PRDM2: variants seen among roughly 807,000 people sequenced by gnomAD.
PRDM2 encodes the protein PR/SET domain 2.
Under a neutral mutation model 130.0 loss-of-function variants are expected in PRDM2, and 30 were observed. The observed-to-expected ratio is 0.23, with a 90% CI of 0.17 to 0.31. PRDM2 has a LOEUF of 0.31. Among genes scored for constraint, PRDM2 ranks in the 10% least tolerant of loss-of-function variants. PRDM2 has a pLI of 1.00. For missense variants in PRDM2, 2,011 were observed against 2,108.4 expected, an observed-to-expected ratio of 0.95 and a Z score of 0.90; for synonymous variants, 871 against 782.4, an observed-to-expected ratio of 1.11 and a Z score of -1.89.
chr1:13,823,010 C>A (rs2697970), intron 9 of PRDM2, 149 bp from the exon 10 acceptor site: 577,205 of 774,470 alleles, frequency 0.75, 216,288 homozygotes, highest in Middle Eastern at 0.78. Flanking sequence ...TCACTGTGAA[C>A]ATTCATCAAG....
chr1:13,705,041 T>G (rs1288591796), intron 1 of PRDM2: 3 of 152,192 alleles, frequency 2.0e-5, no homozygotes, highest in Non-Finnish European at 2.9e-5. Context: ...GCAGGTCAGC[T>G]CACCTGCTTG....
Position 13,778,646 on chromosome 1 carries a change from ATGAT to A in PRDM2, c.852_855del (p.Asp284GlufsTer21). 2 of 1,613,724 alleles carry A rather than the reference ATGAT, an allele frequency of 1.2e-6. No homozygotes were observed. On this transcript the variant is annotated frameshift_variant, in exon 8 of 10. Transcript: ENST00000311066. LOFTEE classifies it high-confidence loss of function. The stretch of plus-strand genomic sequence containing the variant: ...GAGGATGAAGAAGAAGAAGAAGATG[ATGAT>A]GATGATGAGTTGGAAGACGAGGGGG...
At chr1:13,713,467 T>C (rs1005876875) in intron 1 of PRDM2, among the ~76,000 whole-genome samples, 3 of 152,314 alleles carry the variant, frequency 2.0e-5, no homozygotes, top group East Asian at 3.9e-4. Context: ...AGCTGGTTCA[T>C]TGAAGGCAGC....
intron 1 of PRDM2, among the ~76,000 whole-genome samples, chr1:13,704,378 A>G (rs779716349): frequency 6.7e-6 from 1 of 149,912 alleles, no homozygotes; most frequent in Non-Finnish European, 1.5e-5. Context: ...ACTGTATAGT[A>G]TTTATTCTTA....
At chr1:13,717,789 A>C (rs1342109286) in intron 2 of PRDM2, among the ~76,000 whole-genome samples, 1 of 152,152 alleles carries the variant, frequency 6.6e-6, no homozygotes, top group East Asian at 1.9e-4. Context: ...TCAGTGGAAA[A>C]GTGTCCTCTT....
rs1256670780 is a variant in PRDM2 at position 13,803,640 on chromosome 1, C to T, written c.5037-12787C>T. On this transcript the variant is annotated intron_variant, in intron 8 of 9. Transcript: ENST00000311066. This position sits in a 1 kb window ranked among gnomAD's most constrained non-coding sequence, Gnocchi z 6.2. ...GTAAGGGAAGGGCTGATCCCTGTGG[C>T]CTCTGGGGTCCCCTGCACTTCTCGG... Among the ~76,000 whole-genome samples, 3 of 152,158 alleles carry T rather than the reference C, an allele frequency of 2.0e-5. No individual in the cohort carries two copies. The highest frequency in any genetic ancestry group is 1.5e-5 in the Non-Finnish European group (1 of 68,028).
intron 8 of PRDM2, among the ~76,000 whole-genome samples, chr1:13,807,318 A>T (rs1007816620): frequency 1.1e-4 from 17 of 152,250 alleles, no homozygotes; most frequent in Admixed American, 1.1e-3. Context: ...CACCTGACAA[A>T]TAGTAGATGA....
chr1:13,772,171 G>T (rs574796835), intron 6 of PRDM2: 4 of 152,232 alleles, frequency 2.6e-5, no homozygotes, highest in African/African-American at 9.6e-5. Flanking sequence ...GATCTGTCTG[G>T]ATCTGAAGAC....
chr1:13,823,084 A>G (rs940523254), intron 9 of PRDM2, 75 bp from the exon 10 acceptor site: 4 of 1,406,474 alleles, frequency 2.8e-6, no homozygotes, highest in East Asian at 2.5e-5. Flanking sequence ...ATTAAGTGCA[A>G]TAACGCATGG....
chr1:13,753,117 G>A (rs1449688922), intron 6 of PRDM2, among the ~76,000 whole-genome samples: 1 of 152,104 alleles, frequency 6.6e-6, no homozygotes, highest in Non-Finnish European at 1.5e-5. Flanking sequence ...TCCCTCCTAC[G>A]TCACAGCCTC....
chr1:13,719,342 C>T (rs772597331), intron 2 of PRDM2, among the ~76,000 whole-genome samples: 4 of 152,152 alleles, frequency 2.6e-5, no homozygotes, highest in East Asian at 1.9e-4. Flanking sequence ...GTTCATGAAA[C>T]GGAGAGCAAG....
chr1:13,709,609 C>T (rs1201284982), intron 1 of PRDM2, among the ~76,000 whole-genome samples: 1 of 152,144 alleles, frequency 6.6e-6, no homozygotes, highest in Admixed American at 6.5e-5. Context: ...GAACTACTTT[C>T]TGTGGTGATT....
chr1:13,743,198 G>A (rs1045391957), intron 5 of PRDM2, among the ~76,000 whole-genome samples: 10 of 152,124 alleles, frequency 6.6e-5, no homozygotes, highest in African/African-American at 2.4e-4. Context: ...AGGAGATTGA[G>A]ACCATCCTGG....
At chr1:13,787,629 G>A (rs1644768002) in intron 8 of PRDM2, 2 of 968,022 alleles carry the variant, frequency 2.1e-6, no homozygotes, top group African/African-American at 3.5e-5. Flanking sequence ...AGCATTTGTA[G>A]CAATTTAAAA....
intron 2 of PRDM2, among the ~76,000 whole-genome samples, chr1:13,717,907 AT>A (rs1448986120): frequency 2.6e-5 from 4 of 152,140 alleles, no homozygotes; most frequent in Admixed American, 2.6e-4. Flanking sequence ...TATGAGTAAA[AT>A]TTTTAGCATC....
chr1:13,759,162 CTTTT>C (rs34840173), intron 6 of PRDM2, among the ~76,000 whole-genome samples: 11 of 140,950 alleles, frequency 7.8e-5, no homozygotes, highest in African/African-American at 2.3e-4. Flanking sequence ...TTCCCCTACC[CTTTT>C]TTTTTTTTTT....
intron 2 of PRDM2, among the ~76,000 whole-genome samples, chr1:13,716,580 A>G (rs1642549026): frequency 6.6e-6 from 1 of 152,212 alleles, no homozygotes; most frequent in South Asian, 2.1e-4. Context: ...CAAATATTGA[A>G]ATGTAAGATG....
rs184548546 is a variant in PRDM2 at position 13,818,987 on chromosome 1, C to T, written c.*23+2417C>T. On this transcript the variant is annotated intron_variant, in intron 9 of 9. Transcript: ENST00000311066. ...AAAATTGAGGCCCCAAGAGAAGAGA[C>T]ATAGGACGTGGCTAGGGTCTTCTGG... Among the ~76,000 whole-genome samples, 270 of 152,294 alleles carry T rather than the reference C, an allele frequency of 1.8e-3. 1 individual carries two copies. The highest frequency in any genetic ancestry group is 0.017 in the Middle Eastern group (5 of 294).
intron 7 of PRDM2, among the ~76,000 whole-genome samples, chr1:13,774,048 T>G (rs1198712079): frequency 6.6e-6 from 1 of 152,392 alleles, no homozygotes; most frequent in African/African-American, 2.4e-5. Context: ...TGTTGGAATT[T>G]AAATTCTTAT....
Sources: allele counts gnomAD v4.1 joint callset (sites outside exome capture counted in the v4.1 genomes callset), GRCh38; gene constraint gnomAD v4.1.1; non-coding constraint Gnocchi (gnomAD v3.1); transcripts MANE v1.5; gene names NCBI Gene and HGNC (gene_info 2026-07-23, HGNC 2026-07-21).